TRAK1: variants seen among roughly 807,000 people sequenced by gnomAD.
TRAK1 encodes the protein trafficking kinesin-binding protein 1.
A neutral mutation model predicts 92.1 loss-of-function variants in TRAK1; 33 were observed. The ratio of observed to expected loss-of-function variants is 0.36; its 90% CI spans 0.27 to 0.48. The LOEUF is 0.48. Ranked by LOEUF, TRAK1 falls within the 20% of genes least tolerant of loss-of-function variation. The pLI is 0.99. For missense variants in TRAK1, 1,123 were observed against 1,257.9 expected, an observed-to-expected ratio of 0.89 and a Z score of 1.62; for synonymous variants, 521 against 517.3, an observed-to-expected ratio of 1.01 and a Z score of -0.10.
In TRAK1 at chr3:42,160,558, G is replaced by GTTTT. The variant is rs11370773; in HGVS notation, c.287-16255_287-16252dup. 152 of 1,080,142 alleles carry GTTTT rather than the reference G, an allele frequency of 1.4e-4. 3 individuals carry two copies. Among genetic ancestry groups the GTTTT allele is most frequent in the Non-Finnish European group, 1.8e-4 (141 of 789,446 alleles). The allele number at this position is 1,080,142 out of a possible 1,614,324, so 66.9% of individuals were successfully genotyped here. A position where few individuals can be genotyped will look rare whatever the true frequency, so the allele number is the denominator to read the frequency against. On this transcript the variant is annotated intron_variant, in intron 2 of 15. Transcript: ENST00000327628. ...AATGTTTTGCTGATTTCATAGCACTGTTTTGTTTTTGTTTTTTTTTAAGTT... is the reference window on the plus strand; with the variant it reads ...AATGTTTTGCTGATTTCATAGCACTGTTTTTTTTGTTTTTGTTTTTTTTTAAGTT...
rs145689198 is a variant in TRAK1 at position 42,218,672 on chromosome 3, T to C, written c.1964-822T>C. 68 of 985,376 alleles carry C rather than the reference T, an allele frequency of 6.9e-5. 1 individual carries two copies. Among genetic ancestry groups the C allele is most frequent in the Middle Eastern group, 1.0e-3 (2 of 1,912 alleles). 61.0% of individuals were successfully genotyped at this position (985,376 alleles called of 1,614,324 possible). On this transcript the variant is annotated intron_variant, in intron 14 of 15. Transcript: ENST00000327628. The stretch of plus-strand genomic sequence containing the variant: ...CCATGATTTAATCTGCTGCAGACCA[T>C]AGTCTTCAGCCACCTCAGCAATAAC...
intron 1 of TRAK1, among the ~76,000 whole-genome samples, chr3:42,064,370 T>A (rs1044288554): frequency 1.3e-5 from 2 of 149,138 alleles, no homozygotes; most frequent in Non-Finnish European, 1.5e-5. Context: ...GGATACAAAT[T>A]AAAAAAAAAA....
intron 1 of TRAK1, among the ~76,000 whole-genome samples, chr3:42,064,943 C>T (rs767818853): frequency 1.5e-4 from 23 of 152,066 alleles, no homozygotes; most frequent in Non-Finnish European, 3.1e-4. Flanking sequence ...GTCCTAGCTA[C>T]GCAGGAGGTT....
At chr3:42,084,643 C>A (rs1327693940), upstream of TRAK1, among the ~76,000 whole-genome samples, 2 of 152,188 alleles carry the variant, frequency 1.3e-5, no homozygotes, top group African/African-American at 4.8e-5. Flanking sequence ...CCTTGACCAT[C>A]ATTGGTGACT....
intron 1 of TRAK1, among the ~76,000 whole-genome samples, chr3:42,047,922 C>CTTTTTTTT (rs11422406): frequency 1.2e-4 from 15 of 129,214 alleles, no homozygotes; most frequent in African/African-American, 4.3e-4. Flanking sequence ...AGTTTCTTTT[C>CTTTTTTTT]TTTTTTTTTT....
At chr3:42,219,462 G>A (rs770407341) in intron 14 of TRAK1, 32 bp from the exon 15 acceptor site, 19 of 1,613,802 alleles carry the variant, frequency 1.2e-5, no homozygotes, top group African/African-American at 5.3e-5. Flanking sequence ...GTACTTGGAT[G>A]CAAGGAATAT....
chr3:42,052,140 C>G (rs923976136), intron 1 of TRAK1, among the ~76,000 whole-genome samples: 8 of 152,256 alleles, frequency 5.3e-5, no homozygotes, highest in Admixed American at 5.2e-4. Context: ...GGGCGGGTCT[C>G]TAAGGGACAT....
intron 1 of TRAK1, among the ~76,000 whole-genome samples, chr3:42,105,036 C>G (rs1707337467): frequency 1.3e-5 from 2 of 151,172 alleles, no homozygotes; most frequent in Non-Finnish European, 2.9e-5. Context: ...ACCGCAACCT[C>G]TGCCTCCTGG....
intron 2 of TRAK1, among the ~76,000 whole-genome samples, chr3:42,137,809 A>T (rs1698140604): frequency 1.3e-5 from 2 of 152,312 alleles, no homozygotes; most frequent in South Asian, 4.1e-4. Context: ...GTCCTGCGTT[A>T]GAGGGCCATT....
At chr3:42,061,341 A>AC (rs1216331966) in intron 1 of TRAK1, among the ~76,000 whole-genome samples, 14 of 26,034 alleles carry the variant, frequency 5.4e-4, no homozygotes, top group African/African-American at 1.8e-3. Context: ...TGCACACCCC[A>AC]CCCCCCCACG....
intron 1 of TRAK1, among the ~76,000 whole-genome samples, chr3:42,093,617 C>T (rs1161391141): frequency 1.4e-5 from 2 of 144,176 alleles, no homozygotes; most frequent in Non-Finnish European, 3.0e-5. Flanking sequence ...GTCCTCTTTT[C>T]TCTCCCCTCT....
At chr3:42,222,662 T>C (rs928714106) in intron 15 of TRAK1, among the ~76,000 whole-genome samples, 3 of 152,148 alleles carry the variant, frequency 2.0e-5, no homozygotes, top group African/African-American at 4.8e-5. Flanking sequence ...AACCCTTAGC[T>C]CTGAGCCTGT....
intron 13 of TRAK1, among the ~76,000 whole-genome samples, chr3:42,204,451 G>C (rs1358922310): frequency 1.3e-5 from 2 of 152,174 alleles, no homozygotes; most frequent in African/African-American, 4.8e-5. Flanking sequence ...TTCATCTATA[G>C]TGCTCTGCTA....
chr3:42,204,094 C>T (rs1708043046), intron 13 of TRAK1: 1 of 985,700 alleles, frequency 1.0e-6, no homozygotes, highest in South Asian at 4.7e-5. Flanking sequence ...ATAGCTTACT[C>T]TTTTTTAATT....
intron 1 of TRAK1, among the ~76,000 whole-genome samples, chr3:42,055,849 C>G (rs1703185748): frequency 6.6e-6 from 1 of 152,216 alleles, no homozygotes; most frequent in Admixed American, 6.5e-5. Context: ...CCCCAATCCT[C>G]TAGCCCCAGG....
chr3:42,014,589 T>G (rs1701442662), intron 1 of TRAK1, among the ~76,000 whole-genome samples: 1 of 152,248 alleles, frequency 6.6e-6, no homozygotes, highest in Admixed American at 6.5e-5. Context: ...GGTCAAGCTC[T>G]TGCAGGTAAA....
At position 42,211,750 on chromosome 3, in the gene TRAK1, A is replaced by G. The variant is rs1349338194; in HGVS notation, c.1963+1765A>G. 6.1e-6 allele frequency: 6 copies of G among 985,300 alleles called. No homozygotes were observed. In the African/African-American group the frequency reaches 7.0e-5, roughly 11 times the overall value. 61.0% of individuals were successfully genotyped at this position (985,300 alleles called of 1,614,324 possible). Reference sequence around the variant, plus strand: ...GAGAGAGAAGGGACCAATTATGAGGACTGACATCCTGGCCACTCTCCTTAA... The same window carrying G: ...GAGAGAGAAGGGACCAATTATGAGGGCTGACATCCTGGCCACTCTCCTTAA... On this transcript the variant is annotated intron_variant, in intron 14 of 15. Coordinates refer to ENST00000327628, the MANE Select transcript of TRAK1 (RefSeq NM_001042646.3).
chr3:42,200,777 C>A, intron 11 of TRAK1, 41 bp from the exon 12 acceptor site: 1 of 1,602,090 alleles, frequency 6.2e-7, no homozygotes, highest in Non-Finnish European at 8.6e-7. Context: ...CAGGGTTGTG[C>A]CCGCATTTGC....
chr3:42,148,347 T>C (rs1699575768), intron 2 of TRAK1, among the ~76,000 whole-genome samples: 1 of 152,178 alleles, frequency 6.6e-6, no homozygotes. Context: ...AGTGCTGAGG[T>C]TGAGAGACCC....
Sources: allele counts gnomAD v4.1 joint callset (sites outside exome capture counted in the v4.1 genomes callset), GRCh38; gene constraint gnomAD v4.1.1; transcripts MANE v1.5; gene names NCBI Gene and HGNC (gene_info 2026-07-23, HGNC 2026-07-21).